PER2: variants seen among roughly 807,000 people sequenced by gnomAD.
PER2 encodes period circadian protein homolog 2.
A neutral mutation model predicts 121.0 loss-of-function variants in PER2; 66 were observed. That is an observed-to-expected ratio of 0.55 (90% confidence interval 0.45 to 0.67). The LOEUF (loss-of-function observed/expected upper bound fraction) is 0.67. Among genes scored for constraint, PER2 ranks in the 30% least tolerant of loss-of-function variants. PER2 has a pLI of 0.00. For synonymous variants in PER2, 684 were observed against 659.9 expected (o/e 1.04, Z -0.56); for missense variants, 1,521 against 1,635.0 (o/e 0.93, Z 1.20).
At chr2:238,248,876 C>T (rs1695518965) in intron 22 of PER2, 186 bp downstream of exon 22, 2 of 680,646 alleles carry the variant, frequency 2.9e-6, no homozygotes, top group Non-Finnish European at 2.7e-6. Flanking sequence ...AGGATGGTCT[C>T]GATCTCCTGA....
At chr2:238,294,821 G>C (rs115316818), upstream of PER2, among the ~76,000 whole-genome samples, 4 of 152,208 alleles carry the variant, frequency 2.6e-5, no homozygotes, top group Non-Finnish European at 5.9e-5. Flanking sequence ...AAGCTCCAAC[G>C]TGCCTCTCGT....
At chr2:238,251,325 G>C (rs771779227) in intron 20 of PER2, among the ~76,000 whole-genome samples, 30 of 152,232 alleles carry the variant, frequency 2.0e-4, no homozygotes, top group Non-Finnish European at 3.4e-4. Flanking sequence ...ACTATCTGGG[G>C]AGTCAGAGGG....
chr2:238,247,986 C>G (rs554633462), intron 22 of PER2, among the ~76,000 whole-genome samples: 2 of 152,240 alleles, frequency 1.3e-5, no homozygotes, highest in Non-Finnish European at 2.9e-5. Context: ...TGGGCTTCAT[C>G]TACCTTCAAG....
In PER2 at chr2:238,252,601, T is replaced by C. The variant is rs529032576; in HGVS notation, c.3111+311A>G. ...TGGTATTTAACCTGACTGTGCTTTA[T>C]CTCTGAAGCGTCATTTAAAAAGTCG... On this transcript the variant is annotated intron_variant, in intron 19 of 22. Coordinates refer to ENST00000254657, the MANE Select transcript of PER2 (RefSeq NM_022817.3). The surrounding 1 kb of genome is among the most constrained non-coding windows in gnomAD (Gnocchi z 4.2). 4.6e-5 allele frequency among the ~76,000 whole-genome samples: 7 copies of C among 152,368 alleles called. No homozygotes were observed. The East Asian group carries it at 1.3e-3, about 29-fold the overall frequency.
the PER2 span, among the ~76,000 whole-genome samples, chr2:238,298,189 C>T: frequency 1.6e-4 from 24 of 152,204 alleles, no homozygotes; most frequent in African/African-American, 5.8e-4. Context: ...CGCCCGCCAC[C>T]ACGCCCGGCT....
intron 4 of PER2, among the ~76,000 whole-genome samples, chr2:238,274,721 T>C (rs1696399952): frequency 6.6e-6 from 1 of 152,228 alleles, no homozygotes; most frequent in Admixed American, 6.5e-5. Flanking sequence ...GGTGGGGTGC[T>C]CATCCCAGGG....
At chr2:238,263,655 C>T (rs911621200) in intron 9 of PER2, among the ~76,000 whole-genome samples, 1 of 151,944 alleles carries the variant, frequency 6.6e-6, no homozygotes, top group East Asian at 1.9e-4. Context: ...TTGTGTCCAG[C>T]GCCCTCTGCC....
intron 4 of PER2, among the ~76,000 whole-genome samples, chr2:238,274,246 C>T (rs905210695): frequency 1.3e-5 from 2 of 152,250 alleles, no homozygotes; most frequent in African/African-American, 4.8e-5. Context: ...CTCATGGCCA[C>T]AGCGGCCCTC....
At chr2:238,275,648 C>T (rs1054798820) in intron 4 of PER2, 95 bp downstream of exon 4, 16 of 1,377,628 alleles carry the variant, frequency 1.2e-5, no homozygotes, top group Non-Finnish European at 7.2e-6. Context: ...CGATGAGCCT[C>T]GAGTTTTAGA....
At chr2:238,298,195 C>T in the PER2 span, among the ~76,000 whole-genome samples, 7 of 152,132 alleles carry the variant, frequency 4.6e-5, no homozygotes, top group East Asian at 3.9e-4. Flanking sequence ...CCACCACGCC[C>T]GGCTAATTTT....
Position 238,253,632 on chromosome 2 carries a change from C to T in PER2, c.2391G>A (p.Leu797=). 1 of 1,609,470 alleles carries T rather than the reference C, an allele frequency of 6.2e-7. No homozygotes were observed. Among genetic ancestry groups the T allele is most frequent in the Admixed American group, 1.7e-5 (1 of 59,688 alleles). ...PWKKTGKNRK[L]KSKRVKPRDS... is the part of the protein sequence containing the mutation. ...CTCGAGGTTTGACCCGCTTGGACTT[C>T]AATTTTCTGTTCTTTCCTGTTTTTT... Residue 797 remains leucine (L), a synonymous_variant, in exon 19 of 23, where the codon TTG becomes TTA. Transcript: ENST00000254657. The surrounding 1 kb of genome is among the most constrained non-coding windows in gnomAD (Gnocchi z 5.6).
chr2:238,246,264 C>A lies in PER2; in HGVS notation c.*111G>T. ...GTTTTTTTTTCTAAAACAAAAAAAG[C>A]AACATGAGCATATGTGTCCATTTCA... On this transcript the variant is annotated 3_prime_UTR_variant, in exon 23 of 23. Transcript: ENST00000254657. 1 of 709,632 alleles carries A rather than the reference C, an allele frequency of 1.4e-6. No individual in the cohort carries two copies. Among genetic ancestry groups the A allele is most frequent in the Non-Finnish European group, 2.1e-6 (1 of 467,858 alleles). 44.0% of individuals were successfully genotyped at this position (709,632 alleles called of 1,614,324 possible).
intron 22 of PER2, among the ~76,000 whole-genome samples, chr2:238,248,777 TC>T (rs1355387350): frequency 6.6e-6 from 1 of 151,624 alleles, no homozygotes; most frequent in African/African-American, 2.4e-5. Context: ...TGCCTCAGCC[TC>T]CTGAGGAGCT....
At chr2:238,293,736 A>G (rs1442357306), upstream of PER2, among the ~76,000 whole-genome samples, 1 of 147,236 alleles carries the variant, frequency 6.8e-6, no homozygotes, top group Non-Finnish European at 1.5e-5. Flanking sequence ...CTCTGTCTCA[A>G]AAAAAAAAAA....
the PER2 span, among the ~76,000 whole-genome samples, chr2:238,296,974 C>A: frequency 6.6e-6 from 1 of 152,352 alleles, no homozygotes; most frequent in East Asian, 1.9e-4. Flanking sequence ...ACATCTTCAG[C>A]TCGATTCCTC....
At position 238,259,870 on chromosome 2, in the gene PER2, C is replaced by T; in HGVS notation, c.1627+99G>A. Reference sequence around the variant, plus strand: ...GGGTGTGACACGGCTACAAGGTAGACTCCCTGCCAGCCAGAGTCAGCATTT... The same window carrying T: ...GGGTGTGACACGGCTACAAGGTAGATTCCCTGCCAGCCAGAGTCAGCATTT... On this transcript the variant is annotated intron_variant, in intron 14 of 22. Transcript: ENST00000254657. 1.4e-5 allele frequency: 10 copies of T among 697,514 alleles called. No individual in the cohort carries two copies. In the South Asian group the frequency reaches 1.6e-4, roughly 11 times the overall value. 43.2% of individuals were successfully genotyped at this position (697,514 alleles called of 1,614,324 possible). A position where few individuals can be genotyped will look rare whatever the true frequency, so the allele number is the denominator to read the frequency against.
chr2:238,265,424 A>T, intron 9 of PER2, 88 bp downstream of exon 9: 1 of 803,338 alleles, frequency 1.2e-6, no homozygotes, highest in Non-Finnish European at 2.2e-6. Context: ...ATTATCATGT[A>T]ATTATAAAAC....
chr2:238,269,981 C>T (rs1034049126), intron 6 of PER2, among the ~76,000 whole-genome samples: 16 of 152,348 alleles, frequency 1.1e-4, no homozygotes, highest in Middle Eastern at 3.4e-3. Context: ...GTGCCAGTCC[C>T]ACAGAAGCCC....
At chr2:238,272,146 C>T (rs950250645) in intron 5 of PER2, among the ~76,000 whole-genome samples, 4 of 152,248 alleles carry the variant, frequency 2.6e-5, no homozygotes, top group Non-Finnish European at 5.9e-5. Context: ...ACACCTGTTA[C>T]AGATACTGGG....
Sources: gnomAD v4.1 joint callset for allele counts (sites outside exome capture counted in the v4.1 genomes callset) on GRCh38, gnomAD v4.1.1 for gene constraint, Gnocchi (gnomAD v3.1) non-coding constraint, MANE v1.5 for transcripts, NCBI Gene and HGNC (gene_info 2026-07-23, HGNC 2026-07-21) for gene names.